TTC13: variants seen among roughly 807,000 people sequenced by gnomAD.
TTC13 encodes tetratricopeptide repeat protein 13.
A neutral mutation model predicts 120.0 loss-of-function variants in TTC13; 62 were observed. That is an observed-to-expected ratio of 0.52 (90% confidence interval 0.42 to 0.64). The LOEUF is 0.64. Among genes scored for constraint, TTC13 ranks in the 30% least tolerant of loss-of-function variants. The pLI is 0.00. For missense variants in TTC13, 824 were observed against 1,050.2 expected (o/e 0.78, Z 2.98); for synonymous variants, 384 against 393.5 (o/e 0.98, Z 0.28).
intron 8 of TTC13, among the ~76,000 whole-genome samples, chr1:230,935,489 G>A (rs564691200): frequency 1.3e-5 from 2 of 152,264 alleles, no homozygotes; most frequent in African/African-American, 4.8e-5. Context: ...AAAGAAATTT[G>A]GTAAAGAAAG....
chr1:230,935,952 G>C (rs1674012675), intron 8 of TTC13, among the ~76,000 whole-genome samples: 1 of 152,184 alleles, frequency 6.6e-6, no homozygotes, highest in African/African-American at 2.4e-5. Flanking sequence ...AGATGAGGGA[G>C]AAGAAAGGGT....
intron 15 of TTC13, among the ~76,000 whole-genome samples, chr1:230,923,312 C>A (rs937173174): frequency 7.2e-5 from 11 of 152,092 alleles, no homozygotes; most frequent in African/African-American, 2.7e-4. Flanking sequence ...CTAGCAGAGC[C>A]TCTGGACAAA....
In TTC13 at chr1:230,912,753, C is replaced by T. The variant is rs773829733; in HGVS notation, c.2099G>A (p.Gly700Asp). ...FTITITGDKV[G>D]NILFSVETQT... ...AGTTTCCACAGAAAATAATATATTG[C>T]CAACTCTGAAAATACAAAAATAAGT... is the stretch of plus-strand genomic sequence containing the variant. The change falls in exon 19 of 23, where the codon GGC (glycine) becomes GAC (aspartate). Residue 700 changes from glycine (G) to aspartate (D), a missense_variant. Around this residue, in one of 4 missense-constraint regions of TTC13, gnomAD observed 226 missense variants for 259.1 expected, o/e 0.87. Transcript: ENST00000366661. 5.6e-6 allele frequency: 9 copies of T among 1,606,116 alleles called. No individual in the cohort carries two copies. Among genetic ancestry groups the T allele is most frequent in the Non-Finnish European group, 7.6e-6 (9 of 1,177,982 alleles).
intron 1 of TTC13, among the ~76,000 whole-genome samples, chr1:230,975,872 G>A (rs988635439): frequency 1.3e-5 from 2 of 152,148 alleles, no homozygotes; most frequent in African/African-American, 4.8e-5. Context: ...GCCATGTGAC[G>A]GTGGTGTGCA....
chr1:230,908,961 C>T lies in TTC13; in HGVS notation c.2369G>A (p.Gly790Glu). Residue 790 changes from glycine (G) to glutamate (E), a missense_variant, in exon 21 of 23, where the codon GGA (glycine) becomes GAA (glutamate). Around this residue, in one of 4 missense-constraint regions of TTC13, gnomAD observed 226 missense variants for 259.1 expected, o/e 0.87. Coordinates refer to ENST00000366661, the MANE Select transcript of TTC13 (RefSeq NM_024525.5). ...ACATACCTTCCCTTTGGGAATTTTT[C>T]CTGCTACTTCTTTTCCACTTGCCAT... ...ALMASGKEVA[G>E]KIPKGKLVDF... 6.2e-7 allele frequency: 1 copy of T among 1,614,160 alleles called. No homozygotes were observed. Among genetic ancestry groups the T allele is most frequent in the Non-Finnish European group, 8.5e-7 (1 of 1,180,022 alleles).
chr1:230,932,710 A>G (rs1673665414), intron 9 of TTC13, among the ~76,000 whole-genome samples: 1 of 152,184 alleles, frequency 6.6e-6, no homozygotes, highest in Non-Finnish European at 1.5e-5. Context: ...AACAAATCCA[A>G]ACACACTTCT....
At chr1:230,970,337 C>T (rs1379951379) in intron 1 of TTC13, among the ~76,000 whole-genome samples, 1 of 152,178 alleles carries the variant, frequency 6.6e-6, no homozygotes, top group Non-Finnish European at 1.5e-5. Flanking sequence ...TGAACATCTC[C>T]TTTGAGGAAT....
At chr1:230,943,950 T>C in intron 5 of TTC13, 52 bp from the exon 6 acceptor site, 3 of 1,366,902 alleles carry the variant, frequency 2.2e-6, no homozygotes, top group East Asian at 2.4e-5. Flanking sequence ...AAAACCAGGC[T>C]GAAAAAATTT....
rs911359256 is a variant in TTC13, at chr1:230,919,066, G to A, written c.1983+1444C>T. Among the ~76,000 whole-genome samples the A allele has an allele frequency of 2.4e-4, 36 of 152,228 alleles. 1 individual carries two copies. Among genetic ancestry groups the A allele is most frequent in the African/African-American group, 7.7e-4 (32 of 41,516 alleles). ...TCAAATAATTTCTGTCCCTTTTAGT[G>A]TCCTTCCCATTGAATTCAAATGTTT... On this transcript the variant is annotated intron_variant, in intron 17 of 22. Transcript: ENST00000366661.
In TTC13 at chr1:230,978,646, C is replaced by G. The variant is rs1354049282; in HGVS notation, c.185G>C (p.Arg62Pro). ...LSLLKQELQH[R>P]QQQEAPAGGG... ...GCCCGCCGGGGCCTCCTGCTGCTGC[C>G]GGTGCTGCAGCTCCTGCTTGAGCAG... is the stretch of plus-strand genomic sequence containing the variant. The change falls in exon 1 of 23, where the codon CGG (arginine) becomes CCG (proline). Residue 62 changes from arginine to proline, a missense_variant. By Grantham distance (103) the Arg-to-Pro change is moderately radical (BLOSUM62 -2). Transcript: ENST00000366661. This position sits in a 1 kb window ranked among gnomAD's most constrained non-coding sequence, Gnocchi z 5.6. 6.8e-7 allele frequency: 1 copy of G among 1,473,818 alleles called. No individual in the cohort carries two copies. Among genetic ancestry groups the G allele is most frequent in the Non-Finnish European group, 8.9e-7 (1 of 1,119,986 alleles). The allele number at this position is 1,473,818 out of a possible 1,614,324, so 91.3% of individuals were successfully genotyped here.
chr1:230,924,916 G>C lies in TTC13; in HGVS notation c.1646C>G (p.Ser549Trp), dbSNP rs989142915. ...MQAVQRTWTN[S>W]KVRMNGKTRL... ...TGTCTTCCCATTCATTCGAACTTTCGAGTTGGTCCATGTACGCTGCACGGC... is the reference window on the plus strand; with the variant it reads ...TGTCTTCCCATTCATTCGAACTTTCCAGTTGGTCCATGTACGCTGCACGGC... The change falls in exon 14 of 23, where the codon TCG (serine) becomes TGG (tryptophan). Residue 549 changes from serine (S) to tryptophan (W), a missense_variant. Ser to Trp is a radical substitution (Grantham distance 177, BLOSUM62 -3). Coordinates refer to ENST00000366661, the MANE Select transcript of TTC13 (RefSeq NM_024525.5). 4.3e-6 allele frequency: 7 copies of C among 1,613,960 alleles called. No homozygotes were observed. The highest frequency in any genetic ancestry group is 5.1e-6 in the Non-Finnish European group (6 of 1,180,034).
chr1:230,976,667 G>C (rs1678341090), intron 1 of TTC13, among the ~76,000 whole-genome samples: 1 of 151,866 alleles, frequency 6.6e-6, no homozygotes, highest in Admixed American at 6.6e-5. Flanking sequence ...TTCCAAGCTA[G>C]AAAAAATAAG....
At chr1:230,932,880 T>C (rs1018485092) in intron 9 of TTC13, among the ~76,000 whole-genome samples, 3 of 152,210 alleles carry the variant, frequency 2.0e-5, no homozygotes, top group African/African-American at 4.8e-5. Flanking sequence ...CTCAGGGAAG[T>C]TAAGCACTCA....
chr1:230,928,671 G>C (rs527642722), intron 12 of TTC13, among the ~76,000 whole-genome samples: 1 of 152,154 alleles, frequency 6.6e-6, no homozygotes, highest in East Asian at 1.9e-4. Flanking sequence ...TAATGTTAAT[G>C]TATCTACCAT....
intron 6 of TTC13, 122 bp downstream of exon 6, chr1:230,943,684 G>A (rs992876887): frequency 3.5e-5 from 24 of 693,670 alleles, no homozygotes; most frequent in South Asian, 2.0e-4. Context: ...ATTAAGTACC[G>A]ACATAGAAAA....
At chr1:230,948,272 C>T (rs183620720) in intron 4 of TTC13, among the ~76,000 whole-genome samples, 1 of 151,940 alleles carries the variant, frequency 6.6e-6, no homozygotes, top group Admixed American at 6.5e-5. Flanking sequence ...GTAGGTTATA[C>T]CTAGGACTTC....
intron 20 of TTC13, among the ~76,000 whole-genome samples, chr1:230,909,301 T>G (rs1044103150): frequency 1.3e-5 from 2 of 150,480 alleles, no homozygotes; most frequent in Admixed American, 1.3e-4. Flanking sequence ...GTCAGGAGTT[T>G]GACAGCAACA....
chr1:230,968,503 G>T (rs1242237433), intron 1 of TTC13, among the ~76,000 whole-genome samples: 2 of 152,030 alleles, frequency 1.3e-5, no homozygotes, highest in Non-Finnish European at 2.9e-5. Flanking sequence ...AACTAAGAAG[G>T]CAGGATGAGT....
At position 230,978,846 on chromosome 1, in the gene TTC13, A is replaced by G; in HGVS notation, c.-16T>C. 1 of 1,460,994 alleles carries G rather than the reference A, an allele frequency of 6.8e-7. No homozygotes were observed. The highest frequency in any genetic ancestry group is 9.0e-7 in the Non-Finnish European group (1 of 1,116,654). 90.5% of individuals were successfully genotyped at this position (1,460,994 alleles called of 1,614,324 possible). ...CAGGTGCCATCTTCCCTCAAGGCGC[A>G]TGCGCGACAGCCCTTGCCCGGCTCT... On this transcript the variant is annotated 5_prime_UTR_variant, in exon 1 of 23. The change abolishes an upstream ATG in the 5' untranslated region. Coordinates refer to ENST00000366661, the MANE Select transcript of TTC13 (RefSeq NM_024525.5). This position sits in a 1 kb window ranked among gnomAD's most constrained non-coding sequence, Gnocchi z 5.6.
Sources: allele counts gnomAD v4.1 joint callset (sites outside exome capture counted in the v4.1 genomes callset), GRCh38; gene constraint gnomAD v4.1.1; regional missense constraint gnomAD v4.1.1; non-coding constraint Gnocchi (gnomAD v3.1); transcripts MANE v1.5; gene names NCBI Gene and HGNC (gene_info 2026-07-23, HGNC 2026-07-21).